Variants in CNTN4 observed in about 807,000 individuals in gnomAD.
CNTN4 encodes contactin-4.
A neutral mutation model predicts 122.5 loss-of-function variants in CNTN4; 77 were observed. The observed-to-expected ratio is 0.63, with a 90% CI of 0.52 to 0.76. CNTN4 has a LOEUF of 0.76. Among genes scored for constraint, CNTN4 ranks in the 30% least tolerant of loss-of-function variants. CNTN4 has a pLI of 0.00. For missense variants in CNTN4, 1,256 were observed against 1,259.1 expected (o/e 1.00, Z 0.04); for synonymous variants, 512 against 447.0 (o/e 1.15, Z -1.83).
chr3:2,575,809 CTTTTTTTTTTTTTT>C (rs56303805), intron 4 of CNTN4, among the ~76,000 whole-genome samples: 2 of 101,244 alleles, frequency 2.0e-5, no homozygotes, highest in Admixed American at 1.2e-4. Context: ...TCTTCTTCTT[CTTTTTTTTTTTTTT>C]TTTTTTTTTT....
intron 2 of CNTN4, among the ~76,000 whole-genome samples, chr3:2,178,639 C>T (rs965229150): frequency 1.3e-5 from 2 of 152,038 alleles, no homozygotes; most frequent in Non-Finnish European, 2.9e-5. Flanking sequence ...TAACTTAATG[C>T]AGTTCTAGAC....
At chr3:2,557,810 T>A (rs1349299486) in intron 3 of CNTN4, among the ~76,000 whole-genome samples, 1 of 152,050 alleles carries the variant, frequency 6.6e-6, no homozygotes, top group African/African-American at 2.4e-5. Flanking sequence ...GTTTGACCGT[T>A]CAGCAGTCTA....
chr3:2,927,716 A>G (rs2094486164), intron 13 of CNTN4: 1 of 154,052 alleles, frequency 6.5e-6, no homozygotes, highest in Non-Finnish European at 1.4e-5. Context: ...GTCTTTATCC[A>G]GATTTCATTC....
At chr3:2,447,841 A>T (rs938328876) in intron 3 of CNTN4, among the ~76,000 whole-genome samples, 1 of 152,148 alleles carries the variant, frequency 6.6e-6, no homozygotes. Flanking sequence ...TATCTCTTTC[A>T]ATCCCTCAAG....
At chr3:2,749,357 G>A (rs1278863689) in intron 6 of CNTN4, among the ~76,000 whole-genome samples, 1 of 139,866 alleles carries the variant, frequency 7.1e-6, no homozygotes, top group Non-Finnish European at 1.5e-5. Flanking sequence ...ATTTTTAGTA[G>A]AGATGGGGTT....
chr3:2,750,087 T>A (rs2090017143), intron 6 of CNTN4, among the ~76,000 whole-genome samples: 2 of 152,220 alleles, frequency 1.3e-5, no homozygotes, highest in South Asian at 2.1e-4. Flanking sequence ...CTGTATCTTT[T>A]TAAAAATGAA....
At chr3:2,526,597 G>A (rs535132602) in intron 3 of CNTN4, among the ~76,000 whole-genome samples, 48 of 152,190 alleles carry the variant, frequency 3.2e-4, no homozygotes, top group East Asian at 5.8e-4. Context: ...ACCAAAATAC[G>A]TATGGGATTT....
intron 14 of CNTN4, among the ~76,000 whole-genome samples, chr3:3,001,723 CTTGA>C (rs1242403326): frequency 6.6e-6 from 1 of 152,116 alleles, no homozygotes; most frequent in East Asian, 1.9e-4. Flanking sequence ...AAAGCCAGCT[CTTGA>C]TTATTTCCAA....
chr3:2,696,140 G>T (rs1026377432), intron 4 of CNTN4, among the ~76,000 whole-genome samples: 1 of 152,118 alleles, frequency 6.6e-6, no homozygotes, highest in African/African-American at 2.4e-5. Flanking sequence ...TTGGCTCTAC[G>T]GCCAAGGACT....
intron 3 of CNTN4, among the ~76,000 whole-genome samples, chr3:2,395,012 G>T (rs2150919611): frequency 6.6e-6 from 1 of 152,032 alleles, no homozygotes; most frequent in East Asian, 1.9e-4. Flanking sequence ...GTCTTGAAGT[G>T]CTGGCCTCAA....
At chr3:2,739,266 C>T (rs750436707) in intron 5 of CNTN4, among the ~76,000 whole-genome samples, 1 of 151,454 alleles carries the variant, frequency 6.6e-6, no homozygotes, top group Non-Finnish European at 1.5e-5. Context: ...CAAACAGAAC[C>T]CTTGATTGAA....
intron 4 of CNTN4, among the ~76,000 whole-genome samples, chr3:2,734,109 G>C (rs1292128722): frequency 6.6e-6 from 1 of 152,014 alleles, no homozygotes; most frequent in African/African-American, 2.4e-5. Flanking sequence ...ATCCAAGCTG[G>C]AGCCTGCTGG....
intron 4 of CNTN4, among the ~76,000 whole-genome samples, chr3:2,715,025 A>G (rs2087403930): frequency 6.6e-6 from 1 of 152,228 alleles, no homozygotes; most frequent in Non-Finnish European, 1.5e-5. Context: ...CTTCAACAGC[A>G]TTTGGCAGCT....
chr3:2,710,062 T>C (rs755820153), intron 4 of CNTN4, among the ~76,000 whole-genome samples: 1 of 152,192 alleles, frequency 6.6e-6, no homozygotes, highest in Non-Finnish European at 1.5e-5. Context: ...AGTAAATTAT[T>C]AGCACTAGGT....
At chr3:2,836,808 G>A (rs151016810) in intron 7 of CNTN4, among the ~76,000 whole-genome samples, 1 of 151,556 alleles carries the variant, frequency 6.6e-6, no homozygotes, top group Non-Finnish European at 1.5e-5. Flanking sequence ...GGAGAAATAC[G>A]TAATGTAGAT....
At chr3:2,409,941 G>C (rs2047172316) in intron 3 of CNTN4, among the ~76,000 whole-genome samples, 1 of 152,156 alleles carries the variant, frequency 6.6e-6, no homozygotes, top group South Asian at 2.1e-4. Flanking sequence ...GGGTTTGTTG[G>C]TGTCTGGCTG....
intron 3 of CNTN4, among the ~76,000 whole-genome samples, chr3:2,433,259 A>G (rs1311704177): frequency 6.6e-6 from 1 of 152,220 alleles, no homozygotes; most frequent in Non-Finnish European, 1.5e-5. Context: ...ATTCCCATGA[A>G]TAGTGCACAA....
intron 18 of CNTN4, among the ~76,000 whole-genome samples, chr3:3,038,009 G>C (rs868504515): frequency 6.6e-6 from 1 of 152,136 alleles, no homozygotes; most frequent in Non-Finnish European, 1.5e-5. Flanking sequence ...CCTGTAGAGA[G>C]GCCAGTGTGT....
intron 4 of CNTN4, among the ~76,000 whole-genome samples, chr3:2,710,443 A>G (rs531851519): frequency 2.0e-5 from 3 of 152,304 alleles, no homozygotes; most frequent in African/African-American, 7.2e-5. Context: ...TGTTTCCATA[A>G]CTAGTGCAAT....
Sources: gnomAD v4.1 joint callset for allele counts (sites outside exome capture counted in the v4.1 genomes callset) on GRCh38, gnomAD v4.1.1 for gene constraint, MANE v1.5 for transcripts, NCBI Gene and HGNC (gene_info 2026-07-23, HGNC 2026-07-21) for gene names.